KIR3DL3: variants seen among roughly 807,000 people sequenced by gnomAD.
KIR3DL3 encodes the protein killer cell immunoglobulin-like receptor 3DL3.
Under a neutral mutation model 34.9 loss-of-function variants are expected in KIR3DL3, and 27 were observed. The ratio of observed to expected loss-of-function variants is 0.77; its 90% confidence interval spans 0.57 to 1.07. The LOEUF (loss-of-function observed/expected upper bound fraction) is 1.07. Among genes scored for constraint, KIR3DL3 ranks in the 50% least tolerant of loss-of-function variants. The pLI is 0.00. For synonymous variants in KIR3DL3, 217 were observed against 200.2 expected (o/e 1.08, Z -0.71); for missense variants, 681 against 528.5 (o/e 1.29, Z -2.83).
Position 54,725,368 on chromosome 19 carries a change from G to A in KIR3DL3, c.70+86G>A, listed in dbSNP as rs2068058572. On this transcript the variant is annotated intron_variant, in intron 2 of 7. Coordinates refer to ENST00000291860, the MANE Select transcript of KIR3DL3 (RefSeq NM_153443.5). Reference sequence around the variant, plus strand: ...CGGGAGGCAGGCGACACAGGGGGTTGACTGATGGGCTGACCATGGGAAGCC... The same window carrying A: ...CGGGAGGCAGGCGACACAGGGGGTTAACTGATGGGCTGACCATGGGAAGCC... 3 of 1,028,006 alleles carry A rather than the reference G, an allele frequency of 2.9e-6. No individual in the cohort carries two copies. The South Asian group carries it at 6.5e-5, about 22-fold the overall frequency. The allele number at this position is 1,028,006 out of a possible 1,614,324, so 63.7% of individuals were successfully genotyped here.
At chr19:54,727,472 T>C in intron 3 of KIR3DL3, 139 bp from the exon 4 acceptor site, 1 of 808,370 alleles carries the variant, frequency 1.2e-6, no homozygotes, top group Non-Finnish European at 1.9e-6. Context: ...CAACAGGGGT[T>C]ATGGGCACAA....
At chr19:54,725,578 G>A (rs2068074712) in intron 2 of KIR3DL3, among the ~76,000 whole-genome samples, 1 of 152,136 alleles carries the variant, frequency 6.6e-6, no homozygotes, top group East Asian at 1.9e-4. Context: ...AGGGAGAGAA[G>A]CAGTGCAAGG....
At chr19:54,734,001 C>T (rs2146862289) in intron 5 of KIR3DL3, among the ~76,000 whole-genome samples, 2 of 152,200 alleles carry the variant, frequency 1.3e-5, no homozygotes, top group South Asian at 4.2e-4. Flanking sequence ...CCCCGTGCTT[C>T]TCGGGTGGAA....
chr19:54,729,564 T>C lies in KIR3DL3; in HGVS notation c.727T>C (p.Ser243Pro). Residue 243 changes from serine to proline, a missense_variant, in exon 5 of 8, where the codon TCC (serine) becomes CCC (proline). Physicochemically the swap from Ser to Pro is moderately conservative, Grantham distance 74. Coordinates refer to ENST00000291860, the MANE Select transcript of KIR3DL3 (RefSeq NM_153443.5). ...TCAGGCAGGAGAGAATGTGACCTTG[T>C]CCTGCAGCTCCCGGAGCTTGTTTGA... ...TVQAGENVTLSCSSRSLFDIY... is the reference protein window; with the variant it reads ...TVQAGENVTLPCSSRSLFDIY... The C allele has an allele frequency of 6.2e-7, 1 of 1,607,404 alleles. No homozygotes were observed. Among genetic ancestry groups the C allele is most frequent in the Non-Finnish European group, 8.5e-7 (1 of 1,178,504 alleles).
chr19:54,725,548 G>T (rs1386871809), intron 2 of KIR3DL3, among the ~76,000 whole-genome samples: 3 of 152,160 alleles, frequency 2.0e-5, no homozygotes, highest in Non-Finnish European at 4.4e-5. Context: ...CAGGGAGGAA[G>T]TGGTGTCACC....
chr19:54,725,702 C>A (rs1314830851), intron 2 of KIR3DL3, among the ~76,000 whole-genome samples: 1 of 152,178 alleles, frequency 6.6e-6, no homozygotes, highest in African/African-American at 2.4e-5. Flanking sequence ...GAACCACAGT[C>A]ATGACCCTGA....
At chr19:54,735,944 C>T in intron 7 of KIR3DL3, 27 bp from the exon 8 acceptor site, 5 of 1,610,438 alleles carry the variant, frequency 3.1e-6, no homozygotes, top group Middle Eastern at 1.7e-4. Flanking sequence ...GAGCACCCTC[C>T]CTCACTCAGC....
At chr19:54,725,121 ACGGAGG>A (rs2068019153) in intron 1 of KIR3DL3, 120 bp from the exon 2 acceptor site, 12 of 321,110 alleles carry the variant, frequency 3.7e-5, no homozygotes, top group South Asian at 1.7e-4. Context: ...GAGATATAGG[ACGGAGG>A]TGGAGATATA....
chr19:54,733,365 G>C (rs1391282478), intron 5 of KIR3DL3, among the ~76,000 whole-genome samples: 2 of 151,830 alleles, frequency 1.3e-5, no homozygotes, highest in African/African-American at 4.8e-5. Context: ...AACCCCGTCT[G>C]TACTAAAAAT....
At chr19:54,724,633 T>G in intron 1 of KIR3DL3, 103 bp downstream of exon 1, 1 of 1,553,538 alleles carries the variant, frequency 6.4e-7, no homozygotes. Context: ...GGAGTGGAGA[T>G]ATAGGCCTGG....
intron 5 of KIR3DL3, among the ~76,000 whole-genome samples, chr19:54,732,419 T>A (rs1216903491): frequency 1.7e-5 from 1 of 57,238 alleles, no homozygotes; most frequent in Non-Finnish European, 3.1e-5. Flanking sequence ...CTCGGCTAAT[T>A]TTTTTGGTAT....
intron 5 of KIR3DL3, among the ~76,000 whole-genome samples, chr19:54,730,430 C>A (rs1427181256): frequency 6.7e-6 from 1 of 149,952 alleles, no homozygotes; most frequent in East Asian, 2.0e-4. Context: ...AATAATTAGC[C>A]GAGCATGGTG....
chr19:54,736,152 C>A lies in KIR3DL3; in HGVS notation c.*56C>A, dbSNP rs1300394955. On this transcript the variant is annotated 3_prime_UTR_variant, in exon 8 of 8. Coordinates refer to ENST00000291860, the MANE Select transcript of KIR3DL3 (RefSeq NM_153443.5). ...CAAAGTTGTCTTCTGTCCACTAGCACCACAGTCAGGCCTTGATGGGATCTT... is the reference window on the plus strand; with the variant it reads ...CAAAGTTGTCTTCTGTCCACTAGCAACACAGTCAGGCCTTGATGGGATCTT... 2.5e-6 allele frequency: 4 copies of A among 1,598,138 alleles called. No individual in the cohort carries two copies. Among genetic ancestry groups the A allele is most frequent in the Non-Finnish European group, 3.4e-6 (4 of 1,171,312 alleles).
At chr19:54,725,381 A>C in intron 2 of KIR3DL3, 99 bp downstream of exon 2, 3 of 915,402 alleles carry the variant, frequency 3.3e-6, no homozygotes, top group Non-Finnish European at 4.8e-6. Flanking sequence ...TGATGGGCTG[A>C]CCATGGGAAG....
chr19:54,731,301 C>T (rs1247911671), intron 5 of KIR3DL3, among the ~76,000 whole-genome samples: 1 of 151,936 alleles, frequency 6.6e-6, no homozygotes, highest in Admixed American at 6.6e-5. Flanking sequence ...CCACTGTGCC[C>T]GACCTCATTT....
At chr19:54,724,673 T>G in intron 1 of KIR3DL3, 143 bp downstream of exon 1, 1 of 1,458,280 alleles carries the variant, frequency 6.9e-7, no homozygotes, top group Non-Finnish European at 9.4e-7. Context: ...GGTGGAGATA[T>G]GGGCCTGGAG....
chr19:54,733,247 A>G (rs1300123205), intron 5 of KIR3DL3, among the ~76,000 whole-genome samples: 3 of 152,136 alleles, frequency 2.0e-5, no homozygotes, highest in African/African-American at 7.2e-5. Context: ...AATATAATAT[A>G]CAAGACTGTG....
intron 5 of KIR3DL3, among the ~76,000 whole-genome samples, chr19:54,732,119 T>C (rs1284236003): frequency 6.6e-6 from 1 of 152,196 alleles, no homozygotes; most frequent in African/African-American, 2.4e-5. Context: ...GCCTCTGCTC[T>C]TGGGACGCTG....
chr19:54,726,644 A>G (rs2068217600), intron 3 of KIR3DL3, among the ~76,000 whole-genome samples: 1 of 147,848 alleles, frequency 6.8e-6, no homozygotes, highest in African/African-American at 2.5e-5. Flanking sequence ...TGCTGTGCTC[A>G]GAGTAATCAC....
Sources: gnomAD v4.1 joint callset for allele counts (sites outside exome capture counted in the v4.1 genomes callset) on GRCh38, gnomAD v4.1.1 for gene constraint, MANE v1.5 for transcripts, NCBI Gene and HGNC (gene_info 2026-07-23, HGNC 2026-07-21) for gene names.